The following TRPM6 variants were observed in gnomAD, a reference collection of about 807,000 sequenced individuals.
TRPM6 encodes the protein transient receptor potential cation channel subfamily M member 6.
Under a neutral mutation model 247.6 loss-of-function variants are expected in TRPM6, and 111 were observed. The observed-to-expected ratio is 0.45, with a 90% confidence interval of 0.38 to 0.52. The LOEUF (loss-of-function observed/expected upper bound fraction) is 0.52. TRPM6 is among the 20% of genes least tolerant of loss of function. The probability of loss-of-function intolerance (pLI) is 0.00; values close to 1 mark genes in which losing one functional copy is unlikely to be tolerated. For missense variants in TRPM6, 2,126 were observed against 2,421.5 expected (o/e 0.88, Z 2.56); for synonymous variants, 892 against 853.8 (o/e 1.04, Z -0.78).
intron 1 of TRPM6, among the ~76,000 whole-genome samples, chr9:74,880,201 G>T (rs1254272310): frequency 6.6e-6 from 1 of 152,016 alleles, no homozygotes; most frequent in East Asian, 1.9e-4. Context: ...GACATATGAG[G>T]CACCATAAAG....
chr9:74,823,049 A>T (rs1829187725), intron 7 of TRPM6, among the ~76,000 whole-genome samples: 1 of 152,224 alleles, frequency 6.6e-6, no homozygotes, highest in Admixed American at 6.5e-5. Flanking sequence ...TTTTCACACC[A>T]CACATATATT....
chr9:74,851,956 T>A (rs1830333955), intron 3 of TRPM6, among the ~76,000 whole-genome samples: 1 of 150,528 alleles, frequency 6.6e-6, no homozygotes, highest in Non-Finnish European at 1.5e-5. Context: ...CAAGAACCCA[T>A]CTCTATAAAA....
intron 1 of TRPM6, among the ~76,000 whole-genome samples, chr9:74,864,226 A>C (rs1188155603): frequency 6.6e-6 from 1 of 152,136 alleles, no homozygotes; most frequent in Non-Finnish European, 1.5e-5. Context: ...ATATTTTCAG[A>C]CTCCAGATCA....
Position 74,739,384 on chromosome 9 carries a change from G to A in TRPM6, c.5553C>T (p.Thr1851=), listed in dbSNP as rs1825789465. 2 of 1,614,016 alleles carry A rather than the reference G, an allele frequency of 1.2e-6. No individual in the cohort carries two copies. Among genetic ancestry groups the A allele is most frequent in the African/African-American group, 1.3e-5 (1 of 74,924 alleles). The part of the protein sequence containing the change: ...IYTFNQVKPQ[T]IPYTPRFLEV... Reference sequence around the variant, plus strand: ...TTTCTTACCTTGGTGTGTAGGGTATGGTTTGTGGTTTCACTTGGTTGAAGG... The same window carrying A: ...TTTCTTACCTTGGTGTGTAGGGTATAGTTTGTGGTTTCACTTGGTTGAAGG... The change falls in exon 35 of 39, where the codon ACC becomes ACT. Residue 1851 remains threonine, a synonymous_variant. Transcript: ENST00000360774.
At chr9:74,741,723 C>T (rs576213619) in intron 33 of TRPM6, among the ~76,000 whole-genome samples, 7 of 151,928 alleles carry the variant, frequency 4.6e-5, no homozygotes, top group African/African-American at 1.7e-4. Context: ...AACCCCATCT[C>T]TACTAAAAAT....
intron 19 of TRPM6, among the ~76,000 whole-genome samples, chr9:74,791,782 G>T (rs1430319778): frequency 6.6e-6 from 1 of 152,080 alleles, no homozygotes; most frequent in Non-Finnish European, 1.5e-5. Context: ...TTGAGATGGG[G>T]TCTCGCTCTG....
rs1563983569 is a variant in TRPM6, at chr9:74,723,809, T to TATATATATATATATAAA, written c.*803_*804insTTTATATATATATATAT. The TATATATATATATATAAA allele has an allele frequency of 4.7e-4, 1 of 2,130 alleles. No individual in the cohort carries two copies. Among genetic ancestry groups the TATATATATATATATAAA allele is most frequent in the Non-Finnish European group, 9.6e-4 (1 of 1,044 alleles). The allele number at this position is 2,130 out of a possible 1,614,324, so 0.1% of individuals were successfully genotyped here. Reference sequence around the variant, plus strand: ...TGAAACTCCATCTCAAAAATAAAAATATATATATATATATATAAAATATAT... The same window carrying TATATATATATATATAAA: ...TGAAACTCCATCTCAAAAATAAAAATATATATATATATATAAAATATATATATATATATAAAATATAT... On this transcript the variant is annotated 3_prime_UTR_variant, in exon 39 of 39. Transcript: ENST00000360774.
At chr9:74,794,857 C>T (rs974297927) in intron 18 of TRPM6, among the ~76,000 whole-genome samples, 1 of 149,498 alleles carries the variant, frequency 6.7e-6, no homozygotes, top group African/African-American at 2.5e-5. Flanking sequence ...ATATACAGCT[C>T]CCCTCACCCC....
rs764217981 is a variant in TRPM6 at position 74,833,984 on chromosome 9, G to A, written c.669+14C>T. 8.7e-6 allele frequency: 14 copies of A among 1,613,646 alleles called. No individual in the cohort carries two copies. In the South Asian group the frequency reaches 1.4e-4, roughly 16 times the overall value. On this transcript the variant is annotated intron_variant, in intron 6 of 38. Transcript: ENST00000360774. ...TGTTCGTTTGCTTTTGTTATGAAAG[G>A]ATTGTCTACTTACATCTTTTCCAAT...
intron 12 of TRPM6, 96 bp downstream of exon 12, chr9:74,812,203 C>A: frequency 6.5e-7 from 1 of 1,532,398 alleles, no homozygotes; most frequent in Non-Finnish European, 9.0e-7. Flanking sequence ...TTCTAATTTC[C>A]TCAGATAAGG....
Position 74,828,815 on chromosome 9 carries a change from G to A in TRPM6, c.670-866C>T, listed in dbSNP as rs533277774. Among the ~76,000 whole-genome samples, 61 of 152,014 alleles carry A rather than the reference G, an allele frequency of 4.0e-4. No homozygotes were observed. In the Middle Eastern group the frequency reaches 0.01, roughly 25 times the overall value. ...GGCTAATTTTTGTATTTTTAGGAGA[G>A]ACGGGGTTTCACGCCCAGCCTTCGT... On this transcript the variant is annotated intron_variant, in intron 6 of 38. Coordinates refer to ENST00000360774, the MANE Select transcript of TRPM6 (RefSeq NM_017662.5).
Position 74,738,479 on chromosome 9 carries a change from C to T in TRPM6, c.5704G>A (p.Glu1902Lys), listed in dbSNP as rs764179947. Residue 1902 changes from glutamate (E) to lysine (K), a missense_variant, in exon 36 of 39, where the codon GAG (glutamate) becomes AAG (lysine). This residue lies in a region of TRPM6 where 327 missense variants were observed against 397.7 expected (regional missense o/e 0.82). Transcript: ENST00000360774. ...DEITPTNTLEELMLAFSHWTY... is the reference protein window; with the variant it reads ...DEITPTNTLEKLMLAFSHWTY... ...CAGTGAGAGAAAGCCAACATCAGCT[C>T]CTCCAGGGTGTTGGTGGGGGTGATT... 7 of 1,614,148 alleles carry T rather than the reference C, an allele frequency of 4.3e-6. No homozygotes were observed. Among genetic ancestry groups the T allele is most frequent in the Admixed American group, 1.7e-5 (1 of 60,014 alleles).
At chr9:74,821,930 C>T in intron 7 of TRPM6, 93 bp from the exon 8 acceptor site, 3 of 1,397,550 alleles carry the variant, frequency 2.1e-6, no homozygotes, top group Non-Finnish European at 3.0e-6. Context: ...CTCTCAATTA[C>T]CACCTATGTT....
intron 25 of TRPM6, among the ~76,000 whole-genome samples, chr9:74,766,311 C>A (rs1218698321): frequency 2.6e-5 from 4 of 152,138 alleles, no homozygotes; most frequent in Non-Finnish European, 5.9e-5. Context: ...TATTGCTGGA[C>A]CACCAACGAC....
intron 7 of TRPM6, among the ~76,000 whole-genome samples, chr9:74,825,764 C>T (rs1283979824): frequency 6.6e-6 from 1 of 152,028 alleles, no homozygotes; most frequent in Non-Finnish European, 1.5e-5. Context: ...TGCACAGAAC[C>T]CCACGCAATT....
chr9:74,874,044 T>A (rs900181688), intron 1 of TRPM6, among the ~76,000 whole-genome samples: 3 of 152,032 alleles, frequency 2.0e-5, no homozygotes, highest in Non-Finnish European at 4.4e-5. Flanking sequence ...AAGACCAGCC[T>A]GGACAACATG....
chr9:74,884,322 G>A (rs910065683), intron 1 of TRPM6, among the ~76,000 whole-genome samples: 5 of 151,166 alleles, frequency 3.3e-5, no homozygotes, highest in African/African-American at 9.7e-5. Context: ...ACCCCGTCTC[G>A]ACTAAAAATA....
intron 25 of TRPM6, among the ~76,000 whole-genome samples, chr9:74,766,659 C>T (rs1321637834): frequency 6.6e-6 from 1 of 152,020 alleles, no homozygotes; most frequent in African/African-American, 2.4e-5. Flanking sequence ...GCCTGTAATC[C>T]CAGCACTTTG....
intron 5 of TRPM6, among the ~76,000 whole-genome samples, chr9:74,837,750 T>C (rs1043893845): frequency 6.9e-3 from 13 of 1,878 alleles, no homozygotes; most frequent in Non-Finnish European, 0.011. Flanking sequence ...CCGGCCCCCT[T>C]TTTTTTTTTT....
Sources: allele counts gnomAD v4.1 joint callset (sites outside exome capture counted in the v4.1 genomes callset), GRCh38; gene constraint gnomAD v4.1.1; regional missense constraint gnomAD v4.1.1; transcripts MANE v1.5; gene names NCBI Gene and HGNC (gene_info 2026-07-23, HGNC 2026-07-21).